TMED10: variants seen among roughly 807,000 people sequenced by gnomAD.
The protein encoded by TMED10 is transmembrane emp24 domain-containing protein 10.
In TMED10, 7 loss-of-function variants were observed where a neutral mutation model predicts 23.1. That is an observed-to-expected ratio of 0.30 (90% CI 0.17 to 0.57). The LOEUF (loss-of-function observed/expected upper bound fraction) is 0.57. Among genes scored for constraint, TMED10 ranks in the 20% least tolerant of loss-of-function variants. TMED10 has a pLI of 0.91. For synonymous variants in TMED10, 113 were observed against 106.9 expected, an observed-to-expected ratio of 1.06 and a Z score of -0.35; for missense variants, 162 against 274.8, an observed-to-expected ratio of 0.59 and a Z score of 2.90.
intron 1 of TMED10, among the ~76,000 whole-genome samples, chr14:75,164,559 ATATATATATATATATAT>A: frequency 3.1e-5 from 1 of 32,212 alleles, no homozygotes; most frequent in Non-Finnish European, 4.9e-5. Context: ...ATATATATAT[ATATATATATATATATAT>A]ATTTTTTTTT....
chr14:75,138,791 T>C (rs1294436376), intron 3 of TMED10, among the ~76,000 whole-genome samples: 3 of 148,848 alleles, frequency 2.0e-5, no homozygotes, highest in Non-Finnish European at 4.5e-5. Context: ...TAAAGCCTAC[T>C]GAATCCCACA....
intron 2 of TMED10, 77 bp from the exon 3 acceptor site, chr14:75,147,814 C>T: frequency 4.8e-6 from 6 of 1,249,374 alleles, no homozygotes; most frequent in Non-Finnish European, 5.4e-6. Flanking sequence ...CGCCCGCCCT[C>T]CCTCTACAGA....
At chr14:75,163,476 C>G (rs989157307) in intron 1 of TMED10, among the ~76,000 whole-genome samples, 1 of 150,218 alleles carries the variant, frequency 6.7e-6, no homozygotes, top group Non-Finnish European at 1.5e-5. Flanking sequence ...TCGCTTGAAC[C>G]CGGGAGGCAG....
intron 1 of TMED10, among the ~76,000 whole-genome samples, chr14:75,168,700 T>C (rs1040708639): frequency 6.6e-6 from 1 of 152,174 alleles, no homozygotes; most frequent in African/African-American, 2.4e-5. Flanking sequence ...ACCAAATCTA[T>C]CTTACTTCAG....
Position 75,134,683 on chromosome 14 carries a change from T to C in TMED10, c.*202A>G. 2 of 601,068 alleles carry C rather than the reference T, an allele frequency of 3.3e-6. No individual in the cohort carries two copies. The highest frequency in any genetic ancestry group is 6.3e-5 in the East Asian group (2 of 31,876). The allele number at this position is 601,068 out of a possible 1,614,324, so 37.2% of individuals were successfully genotyped here. A position where few individuals can be genotyped will look rare whatever the true frequency, so the allele number is the denominator to read the frequency against. Reference sequence around the variant, plus strand: ...ATTGTTGCAAAACCAGTCAAAATCCTACCAAATTAAAAAGAAGTCCCTCAT... The same window carrying C: ...ATTGTTGCAAAACCAGTCAAAATCCCACCAAATTAAAAAGAAGTCCCTCAT... On this transcript the variant is annotated 3_prime_UTR_variant, in exon 5 of 5. Coordinates refer to ENST00000303575, the MANE Select transcript of TMED10 (RefSeq NM_006827.6).
In TMED10 at chr14:75,131,943, C is replaced by T. The variant is rs1303658965; in HGVS notation, c.*2942G>A. 2.3e-4 allele frequency: 35 copies of T among 152,262 alleles called. No individual in the cohort carries two copies. Among genetic ancestry groups the T allele is most frequent in the Non-Finnish European group, 1.5e-5 (1 of 68,046 alleles). 9.4% of individuals were successfully genotyped at this position (152,262 alleles called of 1,614,324 possible). Reference sequence around the variant, plus strand: ...CATCAACGAAATAAAATATTCTCTTCTCCTATCTTCTTGACATTTTGTCAC... The same window carrying T: ...CATCAACGAAATAAAATATTCTCTTTTCCTATCTTCTTGACATTTTGTCAC... On this transcript the variant is annotated 3_prime_UTR_variant, in exon 5 of 5. Coordinates refer to ENST00000303575, the MANE Select transcript of TMED10 (RefSeq NM_006827.6).
At position 75,174,161 on chromosome 14, in the gene TMED10, G is replaced by A. The variant is rs1347244341; in HGVS notation, c.225+2194C>T. Among the ~76,000 whole-genome samples the A allele has an allele frequency of 2.0e-5, 3 of 152,280 alleles. No homozygotes were observed. The East Asian group carries it at 5.8e-4, about 29-fold the overall frequency. On this transcript the variant is annotated intron_variant, in intron 1 of 4. Transcript: ENST00000303575. ...GCAAGGTAACATGCTTGGCATTCTA[G>A]AAAAGATGAACCTGAAAATAGTTCC...
chr14:75,143,211 A>G (rs748274310), intron 3 of TMED10, among the ~76,000 whole-genome samples: 2 of 152,124 alleles, frequency 1.3e-5, no homozygotes, highest in South Asian at 2.1e-4. Context: ...CTCTACCACC[A>G]TATCTATTAA....
At chr14:75,145,589 C>A (rs1475542227) in intron 3 of TMED10, among the ~76,000 whole-genome samples, 1 of 152,112 alleles carries the variant, frequency 6.6e-6, no homozygotes, top group Non-Finnish European at 1.5e-5. Context: ...AGATCGAGAC[C>A]ATCCTGGCTA....
intron 3 of TMED10, among the ~76,000 whole-genome samples, chr14:75,146,620 C>T (rs748624298): frequency 3.3e-5 from 5 of 152,136 alleles, no homozygotes; most frequent in Non-Finnish European, 7.3e-5. Flanking sequence ...GTGCTGCCCC[C>T]AAGTCTCGCA....
chr14:75,151,905 G>T, intron 2 of TMED10, 127 bp downstream of exon 2: 2 of 807,088 alleles, frequency 2.5e-6, no homozygotes, highest in Non-Finnish European at 1.9e-6. Flanking sequence ...AGACTACAAG[G>T]TAACAGGTCT....
chr14:75,156,890 G>A (rs868687691), intron 1 of TMED10, among the ~76,000 whole-genome samples: 1 of 135,298 alleles, frequency 7.4e-6, no homozygotes, highest in Non-Finnish European at 1.6e-5. Context: ...TTCCAGCCTG[G>A]TGACAGAGCA....
At chr14:75,150,636 C>T (rs1015381442) in intron 2 of TMED10, among the ~76,000 whole-genome samples, 2 of 152,188 alleles carry the variant, frequency 1.3e-5, no homozygotes, top group African/African-American at 4.8e-5. Context: ...TGCTTTACAG[C>T]TTTGTAGCCT....
chr14:75,171,732 C>T (rs1336699758), intron 1 of TMED10, among the ~76,000 whole-genome samples: 2 of 43,304 alleles, frequency 4.6e-5, no homozygotes, highest in African/African-American at 1.8e-4. Flanking sequence ...GGACTTCTGA[C>T]CTTCAGAACG....
At chr14:75,147,826 C>T in intron 2 of TMED10, 89 bp from the exon 3 acceptor site, 1 of 1,224,322 alleles carries the variant, frequency 8.2e-7, no homozygotes. Flanking sequence ...CTCTACAGAA[C>T]CCCTACCCTC....
At chr14:75,156,931 G>GAAAAGAAAAC (rs1380135305) in intron 1 of TMED10, among the ~76,000 whole-genome samples, 8 of 151,056 alleles carry the variant, frequency 5.3e-5, no homozygotes, top group African/African-American at 1.9e-4. Flanking sequence ...GAAAAGAAAA[G>GAAAAGAAAAC]AAAAGAAAAG....
At chr14:75,141,111 C>T (rs920910760) in intron 3 of TMED10, among the ~76,000 whole-genome samples, 3 of 152,074 alleles carry the variant, frequency 2.0e-5, no homozygotes, top group African/African-American at 7.2e-5. Flanking sequence ...TAATATATGG[C>T]TTTATGTAGT....
At position 75,152,037 on chromosome 14, in the gene TMED10, C is replaced by T; in HGVS notation, c.332G>A (p.Ser111Asn). 1 of 1,613,466 alleles carries T rather than the reference C, an allele frequency of 6.2e-7. No individual in the cohort carries two copies. The highest frequency in any genetic ancestry group is 8.5e-7 in the Non-Finnish European group (1 of 1,179,518). The stretch of plus-strand genomic sequence containing the variant: ...AAACACTCTTGATTACTCACCCTTG[C>T]TCTCAAAACACACTTCAAACATGTC... ...DYDMFEVCFESKGTGRIPDQL... is the reference protein window; with the variant it reads ...DYDMFEVCFENKGTGRIPDQL... The change falls in exon 2 of 5, where the codon AGC becomes AAC. Residue 111 changes from serine to asparagine, a missense_variant. By Grantham distance (46) the Ser-to-Asn change is conservative (BLOSUM62 1). Coordinates refer to ENST00000303575, the MANE Select transcript of TMED10 (RefSeq NM_006827.6).
At position 75,134,996 on chromosome 14, in the gene TMED10, G is replaced by A. The variant is rs1255814687; in HGVS notation, c.549C>T (p.Asn183=). Residue 183 remains asparagine, a synonymous_variant, in exon 5 of 5, where the codon AAC becomes AAT. Transcript: ENST00000303575. ...AGATGCTGAAGTATAGGACCCGAGT[G>A]TTTGTTGACTCTAAAAAAAAACAAA... The part of the protein sequence containing the change: ...EEMRDTNEST[N]TRVLYFSIFS... 7 of 1,613,572 alleles carry A rather than the reference G, an allele frequency of 4.3e-6. No homozygotes were observed. The highest frequency in any genetic ancestry group is 2.2e-5 in the East Asian group (1 of 44,886).
Sources: gnomAD v4.1 joint callset for allele counts (sites outside exome capture counted in the v4.1 genomes callset) on GRCh38, gnomAD v4.1.1 for gene constraint, MANE v1.5 for transcripts, NCBI Gene and HGNC (gene_info 2026-07-23, HGNC 2026-07-21) for gene names.